The following WWOX variants were observed in gnomAD, a reference collection of about 807,000 sequenced individuals.
The protein encoded by WWOX is WW domain-containing oxidoreductase.
Under a neutral mutation model 46.2 loss-of-function variants are expected in WWOX, and 69 were observed. The observed-to-expected ratio is 1.49, with a 90% confidence interval of 1.23 to 1.82. WWOX has a LOEUF of 1.82. Ranked by LOEUF, WWOX falls within the 40% of genes most tolerant of loss-of-function variation. WWOX has a pLI of 0.00. For missense variants in WWOX, 919 were observed against 542.6 expected, an observed-to-expected ratio of 1.69 and a Z score of -6.89; for synonymous variants, 359 against 202.6, an observed-to-expected ratio of 1.77 and a Z score of -6.56.
chr16:78,436,174 G>A (rs1050415885), intron 8 of WWOX, among the ~76,000 whole-genome samples: 1 of 152,188 alleles, frequency 6.6e-6, no homozygotes, highest in East Asian at 1.9e-4. Flanking sequence ...CAGTGCCTTG[G>A]TCCCGATGAT....
intron 8 of WWOX, among the ~76,000 whole-genome samples, chr16:78,699,043 T>C (rs572996628): frequency 6.6e-6 from 1 of 152,318 alleles, no homozygotes; most frequent in Admixed American, 6.5e-5. Flanking sequence ...TGTTTCTAGC[T>C]TTGCAGTTCA....
chr16:78,945,407 A>T (rs1017702364), intron 8 of WWOX, among the ~76,000 whole-genome samples: 1 of 152,200 alleles, frequency 6.6e-6, no homozygotes, highest in African/African-American at 2.4e-5. Context: ...GTTTTAATGC[A>T]TCTAAAGTCT....
intron 6 of WWOX, among the ~76,000 whole-genome samples, chr16:78,389,531 C>G (rs765548063): frequency 2.6e-5 from 4 of 152,110 alleles, no homozygotes; most frequent in African/African-American, 4.8e-5. Context: ...GGCTTATGGG[C>G]CATACGTGGA....
chr16:78,772,602 A>G (rs2050091205), intron 8 of WWOX, among the ~76,000 whole-genome samples: 1 of 152,184 alleles, frequency 6.6e-6, no homozygotes, highest in South Asian at 2.1e-4. Context: ...TAAACAAACA[A>G]ATAAAAAAGT....
intron 8 of WWOX, among the ~76,000 whole-genome samples, chr16:78,823,874 T>G (rs2051575901): frequency 6.6e-6 from 1 of 151,906 alleles, no homozygotes; most frequent in African/African-American, 2.4e-5. Flanking sequence ...TGCCTGGGTT[T>G]AAGTGATCCT....
At chr16:79,051,177 C>T (rs1041439090) in intron 8 of WWOX, among the ~76,000 whole-genome samples, 2 of 152,094 alleles carry the variant, frequency 1.3e-5, no homozygotes, top group African/African-American at 4.8e-5. Flanking sequence ...GAAGTTGGAG[C>T]CTGTTGGGAG....
At chr16:79,153,847 A>G (rs1219918586) in intron 8 of WWOX, among the ~76,000 whole-genome samples, 3 of 152,062 alleles carry the variant, frequency 2.0e-5, no homozygotes, top group African/African-American at 7.2e-5. Context: ...ACAGGTTGTA[A>G]CCTACACTCA....
chr16:78,205,658 C>T (rs1013821472), intron 5 of WWOX, among the ~76,000 whole-genome samples: 9 of 152,038 alleles, frequency 5.9e-5, no homozygotes, highest in South Asian at 2.1e-4. Flanking sequence ...TCTACCCACT[C>T]ATCTACCCTT....
At chr16:78,616,075 C>T (rs1372237707) in intron 8 of WWOX, among the ~76,000 whole-genome samples, 2 of 152,070 alleles carry the variant, frequency 1.3e-5, no homozygotes, top group African/African-American at 2.4e-5. Flanking sequence ...AAGAAGATAA[C>T]ATTAGCTATT....
chr16:78,441,680 C>A (rs2083447645), intron 8 of WWOX, among the ~76,000 whole-genome samples: 1 of 152,040 alleles, frequency 6.6e-6, no homozygotes, highest in African/African-American at 2.4e-5. Flanking sequence ...AGGTTCAAAA[C>A]CTGATTAAGA....
chr16:78,801,051 C>G (rs1597633327), intron 8 of WWOX, among the ~76,000 whole-genome samples: 1 of 151,768 alleles, frequency 6.6e-6, no homozygotes, highest in African/African-American at 2.4e-5. Context: ...CATTCTCTCT[C>G]TACCTCTTTT....
At chr16:78,291,257 CTT>C (rs1267650011) in intron 5 of WWOX, among the ~76,000 whole-genome samples, 1 of 152,184 alleles carries the variant, frequency 6.6e-6, no homozygotes, top group Non-Finnish European at 1.5e-5. Flanking sequence ...TCTGATCTCT[CTT>C]TTGACTCGAT....
intron 8 of WWOX, among the ~76,000 whole-genome samples, chr16:78,670,705 T>C (rs2047440921): frequency 6.6e-6 from 1 of 151,190 alleles, no homozygotes; most frequent in Non-Finnish European, 1.5e-5. Flanking sequence ...AGAGATAGAG[T>C]CTTGCCATCT....
intron 8 of WWOX, among the ~76,000 whole-genome samples, chr16:78,685,573 A>AT (rs1341538832): frequency 6.6e-6 from 1 of 152,246 alleles, no homozygotes; most frequent in Non-Finnish European, 1.5e-5. Context: ...AATCTAGTCA[A>AT]TCTGCCAGCA....
At chr16:78,763,417 C>G (rs1465283327) in intron 8 of WWOX, among the ~76,000 whole-genome samples, 1 of 152,220 alleles carries the variant, frequency 6.6e-6, no homozygotes, top group African/African-American at 2.4e-5. Context: ...CAGGCAGTGG[C>G]CTGGTCACAT....
intron 8 of WWOX, among the ~76,000 whole-genome samples, chr16:78,584,254 T>A (rs75919898): frequency 6.6e-6 from 1 of 152,198 alleles, no homozygotes; most frequent in Non-Finnish European, 1.5e-5. Flanking sequence ...TGTAAAACAT[T>A]GTAAGAAGTG....
At chr16:78,851,119 G>C (rs895531966) in intron 8 of WWOX, among the ~76,000 whole-genome samples, 7 of 152,146 alleles carry the variant, frequency 4.6e-5, no homozygotes, top group Non-Finnish European at 1.0e-4. Context: ...TATTTACCTT[G>C]ATGAGTTCAT....
At chr16:78,604,581 C>A (rs1013803721) in intron 8 of WWOX, among the ~76,000 whole-genome samples, 1 of 151,994 alleles carries the variant, frequency 6.6e-6, no homozygotes, top group Non-Finnish European at 1.5e-5. Flanking sequence ...TAAAGTATTT[C>A]TTTTAGGATT....
At chr16:79,204,561 C>T (rs1186132468) in intron 8 of WWOX, 2 of 152,136 alleles carry the variant, frequency 1.3e-5, no homozygotes, top group South Asian at 2.1e-4. Context: ...ACATCGATGG[C>T]AAGAATTCTG....
Sources: allele counts gnomAD v4.1 joint callset (sites outside exome capture counted in the v4.1 genomes callset), GRCh38; gene constraint gnomAD v4.1.1; transcripts MANE v1.5; gene names NCBI Gene and HGNC (gene_info 2026-07-23, HGNC 2026-07-21).